MGMT: variants seen among roughly 807,000 people sequenced by gnomAD.
MGMT encodes the protein methylated-DNA--protein-cysteine methyltransferase.
MGMT carries 14 observed loss-of-function variants against 15.9 expected under a neutral mutation model. That is an observed-to-expected ratio of 0.88 (90% CI 0.58 to 1.37). The LOEUF is 1.37. MGMT is among the 40% of genes most tolerant of loss of function. The probability of loss-of-function intolerance (pLI) is 0.00; values close to 1 mark genes in which losing one functional copy is unlikely to be tolerated. For missense variants in MGMT, 282 were observed against 268.1 expected (o/e 1.05, Z -0.36); for synonymous variants, 130 against 118.2 (o/e 1.10, Z -0.65).
intron 2 of MGMT, among the ~76,000 whole-genome samples, chr10:129,706,560 A>G (rs1848164978): frequency 6.8e-6 from 1 of 146,526 alleles, no homozygotes; most frequent in South Asian, 2.1e-4. Context: ...AGGAAACTAG[A>G]AAACTTCCGT....
chr10:129,523,936 A>G (rs899226736), intron 1 of MGMT, among the ~76,000 whole-genome samples: 2 of 152,184 alleles, frequency 1.3e-5, no homozygotes, highest in African/African-American at 2.4e-5. Context: ...GCGGGGTCCC[A>G]GCCTCTTGGA....
At chr10:129,488,234 C>T (rs1845433296) in intron 1 of MGMT, among the ~76,000 whole-genome samples, 1 of 152,118 alleles carries the variant, frequency 6.6e-6, no homozygotes, top group Non-Finnish European at 1.5e-5. Context: ...CACCTCCTCA[C>T]CAAAACTTGG....
At chr10:129,630,933 A>C (rs1847203134) in intron 2 of MGMT, among the ~76,000 whole-genome samples, 2 of 152,234 alleles carry the variant, frequency 1.3e-5, no homozygotes, top group South Asian at 4.1e-4. Flanking sequence ...AATGTTTTAG[A>C]AAAGTGCATT....
chr10:129,495,321 CT>C (rs1218500670), intron 1 of MGMT, among the ~76,000 whole-genome samples: 1 of 152,190 alleles, frequency 6.6e-6, no homozygotes, highest in African/African-American at 2.4e-5. Context: ...TTCTTTGAAT[CT>C]CAAAATATCT....
At chr10:129,665,969 A>G (rs1176500853) in intron 2 of MGMT, among the ~76,000 whole-genome samples, 1 of 152,184 alleles carries the variant, frequency 6.6e-6, no homozygotes, top group African/African-American at 2.4e-5. Context: ...CCTCAGTTTG[A>G]CAACTGTACT....
intron 3 of MGMT, among the ~76,000 whole-genome samples, chr10:129,719,162 C>G (rs573923819): frequency 6.6e-6 from 1 of 151,168 alleles, no homozygotes; most frequent in Non-Finnish European, 1.5e-5. Flanking sequence ...TGTGTGCCCG[C>G]TCAGGCGTGT....
At chr10:129,623,055 G>A (rs779461886) in intron 2 of MGMT, among the ~76,000 whole-genome samples, 6 of 152,322 alleles carry the variant, frequency 3.9e-5, no homozygotes, top group Middle Eastern at 3.4e-3. Context: ...CGTCCTTACC[G>A]AGCTCTCTGG....
At chr10:129,620,318 T>C (rs941719328) in intron 2 of MGMT, among the ~76,000 whole-genome samples, 2 of 152,268 alleles carry the variant, frequency 1.3e-5, no homozygotes, top group African/African-American at 2.4e-5. Context: ...CCTGCCATTG[T>C]GTGCAGTCTT....
At chr10:129,635,791 C>T (rs1360968296) in intron 2 of MGMT, among the ~76,000 whole-genome samples, 1 of 152,168 alleles carries the variant, frequency 6.6e-6, no homozygotes. Context: ...TTCCAAAGGA[C>T]TCTCACAGTG....
At chr10:129,698,626 C>G (rs76159864) in intron 2 of MGMT, among the ~76,000 whole-genome samples, 161 of 152,302 alleles carry the variant, frequency 1.1e-3, no homozygotes, top group Non-Finnish European at 1.7e-3. Flanking sequence ...ATGTGCAACA[C>G]AGACATAAGG....
intron 2 of MGMT, among the ~76,000 whole-genome samples, chr10:129,626,597 C>G (rs1401332398): frequency 6.6e-6 from 1 of 152,134 alleles, no homozygotes; most frequent in Non-Finnish European, 1.5e-5. Context: ...CTGCTGTGCT[C>G]TTTGGGAGGA....
chr10:129,758,497 A>T (rs995195875), intron 3 of MGMT, among the ~76,000 whole-genome samples: 1 of 152,088 alleles, frequency 6.6e-6, no homozygotes, highest in African/African-American at 2.4e-5. Flanking sequence ...AACAGTTCTG[A>T]AACCTGGAGG....
chr10:129,559,239 A>G (rs1191276564), intron 2 of MGMT, among the ~76,000 whole-genome samples: 1 of 152,140 alleles, frequency 6.6e-6, no homozygotes, highest in East Asian at 1.9e-4. Context: ...TTACCTGTAC[A>G]CCACACGTCC....
chr10:129,556,776 A>G lies in MGMT; in HGVS notation c.125+20399A>G, dbSNP rs1846219079. Among the ~76,000 whole-genome samples the G allele has an allele frequency of 6.6e-6, 1 of 152,220 alleles. No individual in the cohort carries two copies. The highest frequency in any genetic ancestry group is 2.1e-4 in the South Asian group (1 of 4,838). On this transcript the variant is annotated intron_variant, in intron 2 of 4. Transcript: ENST00000651593. The surrounding 1 kb of genome is among the most constrained non-coding windows in gnomAD (Gnocchi z 4.3). ...CCATTATTAAAACCAAATTCAACAG[A>G]GAATTTAAAAACTGGCTGTGGTGAG...
intron 2 of MGMT, among the ~76,000 whole-genome samples, chr10:129,654,160 G>A (rs1158410072): frequency 2.0e-5 from 3 of 152,320 alleles, no homozygotes; most frequent in East Asian, 1.9e-4. Context: ...TGATAAAGAT[G>A]CAGGTGGGAA....
At chr10:129,472,215 C>T (rs1275662224) in intron 1 of MGMT, among the ~76,000 whole-genome samples, 5 of 152,144 alleles carry the variant, frequency 3.3e-5, no homozygotes, top group East Asian at 3.9e-4. Flanking sequence ...AGTGCCAGGC[C>T]GTGTGTGGGA....
At chr10:129,727,655 C>G (rs775911963) in intron 3 of MGMT, among the ~76,000 whole-genome samples, 13 of 152,202 alleles carry the variant, frequency 8.5e-5, no homozygotes, top group Non-Finnish European at 1.6e-4. Flanking sequence ...AAGACCCGCC[C>G]TCTGTTCCTT....
intron 2 of MGMT, among the ~76,000 whole-genome samples, chr10:129,584,622 C>T (rs1358161352): frequency 3.3e-5 from 5 of 152,078 alleles, no homozygotes; most frequent in Admixed American, 2.0e-4. Context: ...AAAGGGACCC[C>T]AGACCTACCA....
At chr10:129,506,305 C>T (rs368575900) in intron 1 of MGMT, among the ~76,000 whole-genome samples, 18 of 152,140 alleles carry the variant, frequency 1.2e-4, no homozygotes, top group Non-Finnish European at 2.4e-4. Flanking sequence ...GGCCCCACCC[C>T]GGATTTCCCT....
Sources: gnomAD v4.1 joint callset for allele counts (sites outside exome capture counted in the v4.1 genomes callset) on GRCh38, gnomAD v4.1.1 for gene constraint, Gnocchi (gnomAD v3.1) non-coding constraint, MANE v1.5 for transcripts, NCBI Gene and HGNC (gene_info 2026-07-23, HGNC 2026-07-21) for gene names.